Variants in PTGER3 observed in about 807,000 individuals in gnomAD.
PTGER3 encodes prostaglandin E2 receptor EP3 subtype.
In PTGER3, 22 loss-of-function variants were observed where a neutral mutation model predicts 34.7. The observed-to-expected ratio is 0.63, with a 90% CI of 0.45 to 0.91. The LOEUF (loss-of-function observed/expected upper bound fraction) is 0.91, where lower values mean the gene tolerates loss of function less well. PTGER3 is among the 40% of genes least tolerant of loss of function. The pLI is 0.00. For synonymous variants in PTGER3, 241 were observed against 230.1 expected, an observed-to-expected ratio of 1.05 and a Z score of -0.43; for missense variants, 468 against 519.4, an observed-to-expected ratio of 0.90 and a Z score of 0.96.
intron 4 of PTGER3, among the ~76,000 whole-genome samples, chr1:70,904,588 G>A (rs1430333558): frequency 6.6e-6 from 1 of 152,160 alleles, no homozygotes; most frequent in Non-Finnish European, 1.5e-5. Context: ...TTTTAGCAAA[G>A]AGACTGGCTA....
intron 4 of PTGER3, among the ~76,000 whole-genome samples, chr1:70,941,406 A>G (rs913763246): frequency 2.0e-5 from 3 of 152,176 alleles, no homozygotes; most frequent in Non-Finnish European, 4.4e-5. Flanking sequence ...GTCATTATAT[A>G]AATCTATGAT....
intron 2 of PTGER3, among the ~76,000 whole-genome samples, chr1:70,985,552 C>T (rs1158416098): frequency 6.6e-6 from 1 of 152,104 alleles, no homozygotes; most frequent in Non-Finnish European, 1.5e-5. Context: ...CAGTCACAAT[C>T]CAGGCACAAG....
intron 4 of PTGER3, among the ~76,000 whole-genome samples, chr1:70,891,460 TTC>T (rs1572566500): frequency 6.6e-6 from 1 of 152,198 alleles, no homozygotes; most frequent in African/African-American, 2.4e-5. Flanking sequence ...ACTGCTCTGT[TTC>T]TCAGTTCTTG....
intron 1 of PTGER3, among the ~76,000 whole-genome samples, chr1:71,035,766 C>G (rs570360139): frequency 1.3e-5 from 2 of 152,364 alleles, no homozygotes; most frequent in East Asian, 3.9e-4. Context: ...CAGGCAATCT[C>G]TTTTTTACTC....
intron 2 of PTGER3, among the ~76,000 whole-genome samples, chr1:70,983,020 G>A (rs1405001172): frequency 6.6e-6 from 1 of 151,996 alleles, no homozygotes; most frequent in Non-Finnish European, 1.5e-5. Flanking sequence ...AGTGAATAAG[G>A]AGCTTTATGA....
At chr1:70,985,690 T>C (rs1654851071) in intron 2 of PTGER3, among the ~76,000 whole-genome samples, 1 of 152,184 alleles carries the variant, frequency 6.6e-6, no homozygotes, top group Admixed American at 6.5e-5. Flanking sequence ...AAGGGCTGCC[T>C]TTGCTCGCTA....
chr1:71,015,666 G>C (rs1338431233), intron 1 of PTGER3, among the ~76,000 whole-genome samples: 1 of 152,066 alleles, frequency 6.6e-6, no homozygotes, highest in Admixed American at 6.5e-5. Flanking sequence ...AGGATTTCTG[G>C]TATTGCCAAT....
chr1:70,853,014 G>A (rs1345626289), intron 4 of PTGER3: 8 of 905,970 alleles, frequency 8.8e-6, no homozygotes, highest in South Asian at 3.1e-5. Context: ...GAACAAGAAC[G>A]AAGTTGTGTG....
chr1:70,962,956 A>C (rs2100638621), intron 2 of PTGER3, among the ~76,000 whole-genome samples: 1 of 152,270 alleles, frequency 6.6e-6, no homozygotes, highest in Admixed American at 6.5e-5. Flanking sequence ...GTAAAATCAA[A>C]ACCAAGTTAG....
At chr1:70,861,151 G>A (rs551337060) in intron 4 of PTGER3, among the ~76,000 whole-genome samples, 93 of 152,196 alleles carry the variant, frequency 6.1e-4, no homozygotes, top group South Asian at 2.1e-3. Context: ...AAGGGATAAC[G>A]TATTATAAAG....
chr1:70,946,762 A>G (rs1043484443), intron 4 of PTGER3, among the ~76,000 whole-genome samples: 4 of 152,214 alleles, frequency 2.6e-5, no homozygotes, highest in East Asian at 1.9e-4. Flanking sequence ...TCTATTTCCA[A>G]TTGGACTGTG....
chr1:70,971,072 G>C lies in PTGER3; in HGVS notation c.*658C>G. 1.0e-6 allele frequency: 1 copy of C among 985,282 alleles called. No homozygotes were observed. Among genetic ancestry groups the C allele is most frequent in the Non-Finnish European group, 1.2e-6 (1 of 829,906 alleles). 61.0% of individuals were successfully genotyped at this position (985,282 alleles called of 1,614,324 possible). On this transcript the variant is annotated 3_prime_UTR_variant, in exon 4 of 4. Transcript: ENST00000306666. ...CTGCATCACTCCTTTGTCATCAAAA[G>C]CTTAGAAATAACAATTAAGCAGATT...
intron 2 of PTGER3, among the ~76,000 whole-genome samples, chr1:71,001,162 A>T (rs1037088936): frequency 6.6e-6 from 1 of 151,980 alleles, no homozygotes; most frequent in African/African-American, 2.4e-5. Flanking sequence ...TTTTAAAGAG[A>T]TGCACATAGT....
chr1:70,898,352 T>G (rs895140717), intron 4 of PTGER3, among the ~76,000 whole-genome samples: 12 of 151,830 alleles, frequency 7.9e-5, no homozygotes, highest in African/African-American at 2.9e-4. Flanking sequence ...TAGATTCTTC[T>G]CCACAGCCTG....
chr1:70,991,224 T>C (rs1193457573), intron 2 of PTGER3, among the ~76,000 whole-genome samples: 1 of 152,090 alleles, frequency 6.6e-6, no homozygotes, highest in African/African-American at 2.4e-5. Context: ...CTTTTGACAG[T>C]CCAAGGAAAC....
intron 4 of PTGER3, among the ~76,000 whole-genome samples, chr1:70,888,576 TC>T (rs1442123001): frequency 6.6e-6 from 1 of 152,134 alleles, no homozygotes; most frequent in East Asian, 1.9e-4. Flanking sequence ...TTAACCATAG[TC>T]CCCATGCTAT....
chr1:70,895,323 C>T (rs1264198794), intron 4 of PTGER3, among the ~76,000 whole-genome samples: 2 of 152,126 alleles, frequency 1.3e-5, no homozygotes, highest in Non-Finnish European at 2.9e-5. Flanking sequence ...CTCAAACAAT[C>T]CAAGCTTCAT....
intron 2 of PTGER3, among the ~76,000 whole-genome samples, chr1:70,989,165 G>A (rs1007992301): frequency 3.9e-5 from 6 of 152,120 alleles, no homozygotes; most frequent in East Asian, 1.9e-4. Context: ...ACAGGAAAGC[G>A]CTCAGAACAG....
intron 2 of PTGER3, among the ~76,000 whole-genome samples, chr1:70,960,405 T>TC (rs1428455091): frequency 6.6e-6 from 1 of 152,146 alleles, no homozygotes; most frequent in Non-Finnish European, 1.5e-5. Context: ...TTCAAAATGA[T>TC]GGCCATTTTA....
Sources: allele counts gnomAD v4.1 joint callset (sites outside exome capture counted in the v4.1 genomes callset), GRCh38; gene constraint gnomAD v4.1.1; transcripts MANE v1.5; gene names NCBI Gene and HGNC (gene_info 2026-07-23, HGNC 2026-07-21).